MBOAT1: variants seen among roughly 807,000 people sequenced by gnomAD.
MBOAT1 encodes membrane-bound glycerophospholipid O-acyltransferase 1.
Under a neutral mutation model 64.4 loss-of-function variants are expected in MBOAT1, and 67 were observed. The ratio of observed to expected loss-of-function variants is 1.04; its 90% confidence interval spans 0.85 to 1.27. MBOAT1 has a LOEUF of 1.27. Ranked by LOEUF, MBOAT1 falls within the 50% of genes most tolerant of loss-of-function variation. The pLI is 0.00. For missense variants in MBOAT1, 563 were observed against 604.6 expected (o/e 0.93, Z 0.72); for synonymous variants, 229 against 218.9 (o/e 1.05, Z -0.41).
chr6:20,107,600 C>T (rs147524461), intron 12 of MBOAT1, among the ~76,000 whole-genome samples: 1 of 152,254 alleles, frequency 6.6e-6, no homozygotes, highest in Admixed American at 6.5e-5. Context: ...AGCTATCACC[C>T]CAGTGAGAGC....
At chr6:20,129,344 A>G (rs1760751107) in intron 5 of MBOAT1, among the ~76,000 whole-genome samples, 2 of 152,264 alleles carry the variant, frequency 1.3e-5, no homozygotes, top group Admixed American at 6.5e-5. Flanking sequence ...CGAATCAGAA[A>G]AACTCCCAAC....
rs145524376 is a variant in MBOAT1, at chr6:20,112,888, T to G, written c.1197A>C (p.Leu399Phe). 5.6e-6 allele frequency: 9 copies of G among 1,613,720 alleles called. No individual in the cohort carries two copies. The highest frequency in any genetic ancestry group is 1.3e-5 in the African/African-American group (1 of 74,912). The stretch of plus-strand genomic sequence containing the variant: ...AAAGCACACTTACCGCTCTAGCTGC[T>G]AATGTGACAAGAATTCCAGTTAAGA... Reference protein sequence around the residue: ...FTFLTGILVTLAARAVRNNYR... With the variant: ...FTFLTGILVTFAARAVRNNYR... Residue 399 changes from leucine (L) to phenylalanine (F), a missense_variant, in exon 11 of 13, where the codon TTA (leucine) becomes TTC (phenylalanine). Coordinates refer to ENST00000324607, the MANE Select transcript of MBOAT1 (RefSeq NM_001080480.3).
chr6:20,133,187 G>C (rs932890941), intron 4 of MBOAT1, among the ~76,000 whole-genome samples: 2 of 152,220 alleles, frequency 1.3e-5, no homozygotes, highest in African/African-American at 4.8e-5. Flanking sequence ...GAGGCTGAGA[G>C]AGGGAAAGAG....
chr6:20,148,563 G>A (rs1156901591), intron 3 of MBOAT1, among the ~76,000 whole-genome samples: 4 of 152,192 alleles, frequency 2.6e-5, no homozygotes, highest in African/African-American at 7.2e-5. Context: ...GTAATGAAGG[G>A]AACTTGCGTT....
chr6:20,153,865 C>T (rs1345554734), intron 1 of MBOAT1, among the ~76,000 whole-genome samples: 1 of 152,192 alleles, frequency 6.6e-6, no homozygotes, highest in African/African-American at 2.4e-5. Context: ...AATAAGCAAA[C>T]ATGTACCTTT....
chr6:20,103,006 A>C (rs1410544550), intron 12 of MBOAT1, among the ~76,000 whole-genome samples: 2 of 152,264 alleles, frequency 1.3e-5, no homozygotes, highest in Non-Finnish European at 2.9e-5. Flanking sequence ...ATAGTACTTG[A>C]TAATGACAAT....
At chr6:20,168,094 C>G (rs1247547771) in intron 1 of MBOAT1, among the ~76,000 whole-genome samples, 1 of 152,150 alleles carries the variant, frequency 6.6e-6, no homozygotes, top group African/African-American at 2.4e-5. Flanking sequence ...AAAACTCAAT[C>G]AGCCCATCTT....
intron 8 of MBOAT1, among the ~76,000 whole-genome samples, chr6:20,123,967 G>A (rs534485410): frequency 2.0e-5 from 3 of 152,174 alleles, no homozygotes; most frequent in African/African-American, 7.2e-5. Flanking sequence ...TGAGGCAGGA[G>A]AATGGCATTA....
intron 7 of MBOAT1, 64 bp from the exon 8 acceptor site, chr6:20,124,664 G>C: frequency 6.7e-7 from 1 of 1,488,784 alleles, no homozygotes; most frequent in Non-Finnish European, 9.2e-7. Flanking sequence ...AACAGCTTTG[G>C]AATGGACCTG....
intron 1 of MBOAT1, among the ~76,000 whole-genome samples, chr6:20,171,629 G>A (rs1031835455): frequency 3.3e-5 from 5 of 152,152 alleles, no homozygotes; most frequent in Non-Finnish European, 7.3e-5. Context: ...AACCCAATCT[G>A]ATTTCCAATC....
intron 10 of MBOAT1, among the ~76,000 whole-genome samples, chr6:20,113,344 C>T (rs1020439267): frequency 5.3e-5 from 8 of 152,196 alleles, no homozygotes; most frequent in African/African-American, 9.6e-5. Context: ...GCCTTACAGA[C>T]GCTTACTCCA....
intron 1 of MBOAT1, among the ~76,000 whole-genome samples, chr6:20,196,122 G>A (rs370480347): frequency 1.1e-3 from 166 of 152,286 alleles, no homozygotes; most frequent in African/African-American, 3.8e-3. Flanking sequence ...GAGTTCGGGG[G>A]CCTAAACTCA....
In MBOAT1 at chr6:20,145,978, A is replaced by G. The variant is rs562455550; in HGVS notation, c.324-1663T>C. 2.0e-5 allele frequency among the ~76,000 whole-genome samples: 3 copies of G among 152,320 alleles called. No individual in the cohort carries two copies. The South Asian group carries it at 6.2e-4, about 32-fold the overall frequency. ...ATTACATGCTAACACACATAATTAC[A>G]ATATTAGAATTATTTGTGTATGTGT... On this transcript the variant is annotated intron_variant, in intron 3 of 12. Coordinates refer to ENST00000324607, the MANE Select transcript of MBOAT1 (RefSeq NM_001080480.3).
intron 9 of MBOAT1, among the ~76,000 whole-genome samples, chr6:20,115,899 AG>A (rs768678952): frequency 1.3e-5 from 2 of 152,182 alleles, no homozygotes; most frequent in Non-Finnish European, 2.9e-5. Flanking sequence ...AGTACAGGAA[AG>A]GAAACAAATA....
At chr6:20,104,258 T>A (rs1759887234) in intron 12 of MBOAT1, among the ~76,000 whole-genome samples, 2 of 152,178 alleles carry the variant, frequency 1.3e-5, no homozygotes, top group Admixed American at 6.5e-5. Context: ...TCAGAACATA[T>A]CCCTGTTGGT....
intron 1 of MBOAT1, among the ~76,000 whole-genome samples, chr6:20,201,076 C>T (rs1290213738): frequency 6.6e-6 from 1 of 152,194 alleles, no homozygotes; most frequent in Non-Finnish European, 1.5e-5. Flanking sequence ...CCTGCTGCCA[C>T]CCAGGAGTGT....
chr6:20,144,368 CAATT>C (rs1352938835), intron 3 of MBOAT1, 53 bp from the exon 4 acceptor site: 1 of 1,115,444 alleles, frequency 9.0e-7, no homozygotes, highest in African/African-American at 1.5e-5. Flanking sequence ...ATAATGCACT[CAATT>C]AATGTTCCCC....
chr6:20,161,187 A>G (rs1389885781), intron 1 of MBOAT1, among the ~76,000 whole-genome samples: 1 of 152,074 alleles, frequency 6.6e-6, no homozygotes, highest in Non-Finnish European at 1.5e-5. Flanking sequence ...CCCTATGGTG[A>G]ACCATGCATG....
chr6:20,104,931 A>G (rs1759907624), intron 12 of MBOAT1, among the ~76,000 whole-genome samples: 1 of 152,230 alleles, frequency 6.6e-6, no homozygotes, highest in Non-Finnish European at 1.5e-5. Flanking sequence ...ACCCCTTCCC[A>G]TGTGAGAATG....
Sources: allele counts gnomAD v4.1 joint callset (sites outside exome capture counted in the v4.1 genomes callset), GRCh38; gene constraint gnomAD v4.1.1; transcripts MANE v1.5; gene names NCBI Gene and HGNC (gene_info 2026-07-23, HGNC 2026-07-21).